The following ZNF704 variants were observed in gnomAD, a reference collection of about 807,000 sequenced individuals.
ZNF704 encodes the protein glucocorticoid induced gene 1.
In ZNF704, 10 loss-of-function variants were observed where a neutral mutation model predicts 44.7. The observed-to-expected ratio is 0.22, with a 90% confidence interval of 0.14 to 0.38. The LOEUF (loss-of-function observed/expected upper bound fraction) is 0.38, where lower values mean the gene tolerates loss of function less well. Ranked by LOEUF, ZNF704 falls within the 10% of genes least tolerant of loss-of-function variation. The pLI, the probability that ZNF704 is intolerant of heterozygous loss-of-function variation, is 1.00. For missense variants in ZNF704, 390 were observed against 545.5 expected, an observed-to-expected ratio of 0.71 and a Z score of 2.84; for synonymous variants, 211 against 207.6, an observed-to-expected ratio of 1.02 and a Z score of -0.14.
At chr8:80,653,679 T>G (rs1254578463) in intron 7 of ZNF704, among the ~76,000 whole-genome samples, 1 of 151,890 alleles carries the variant, frequency 6.6e-6, no homozygotes, top group Non-Finnish European at 1.5e-5. Context: ...CACTGCTCAA[T>G]GAAATAAAAG....
chr8:80,833,079 G>A (rs1472773312), intron 1 of ZNF704, among the ~76,000 whole-genome samples: 2 of 152,210 alleles, frequency 1.3e-5, no homozygotes, highest in Non-Finnish European at 2.9e-5. Context: ...CAGGCGCGGT[G>A]GCTCATGCCT....
chr8:80,869,511 C>T (rs923857099), intron 1 of ZNF704, among the ~76,000 whole-genome samples: 1 of 152,174 alleles, frequency 6.6e-6, no homozygotes, highest in African/African-American at 2.4e-5. Flanking sequence ...CTCATATTCT[C>T]CATCTTCTCT....
intron 2 of ZNF704, among the ~76,000 whole-genome samples, chr8:80,703,664 G>A (rs546596792): frequency 6.6e-6 from 1 of 152,132 alleles, no homozygotes; most frequent in East Asian, 1.9e-4. Context: ...CTGTAGAGAC[G>A]GGGTCTCACT....
At chr8:80,793,236 G>A (rs965956665) in intron 2 of ZNF704, among the ~76,000 whole-genome samples, 4 of 152,168 alleles carry the variant, frequency 2.6e-5, no homozygotes, top group African/African-American at 4.8e-5. Context: ...TGAGCAATAA[G>A]GAGCAATTGA....
intron 2 of ZNF704, among the ~76,000 whole-genome samples, chr8:80,811,894 G>A (rs1304461794): frequency 6.6e-6 from 1 of 152,156 alleles, no homozygotes; most frequent in Non-Finnish European, 1.5e-5. Context: ...TCAGATCAGT[G>A]GTGGCATTAG....
At chr8:80,707,203 T>C (rs1818912390) in intron 2 of ZNF704, among the ~76,000 whole-genome samples, 1 of 152,214 alleles carries the variant, frequency 6.6e-6, no homozygotes, top group Admixed American at 6.5e-5. Context: ...CTAATGCTGT[T>C]TGCATGACCA....
rs1817635933 is a variant in ZNF704 at position 80,634,457 on chromosome 8, C to T, written c.*6909G>A. On this transcript the variant is annotated 3_prime_UTR_variant, in exon 9 of 9. Coordinates refer to ENST00000327835, the MANE Select transcript of ZNF704 (RefSeq NM_001033723.3). ...CCTGACAACTGTGGAATGTGAAATC[C>T]ACTTTTCCCAATAGTTGAAACTGGG... The T allele has an allele frequency of 6.6e-6, 1 of 152,238 alleles. No homozygotes were observed. Among genetic ancestry groups the T allele is most frequent in the Non-Finnish European group, 1.5e-5 (1 of 68,082 alleles). The allele number at this position is 152,238 out of a possible 1,614,324, so 9.4% of individuals were successfully genotyped here. A position where few individuals can be genotyped will look rare whatever the true frequency, so the allele number is the denominator to read the frequency against.
chr8:80,726,729 G>A (rs1400364674), intron 2 of ZNF704, among the ~76,000 whole-genome samples: 1 of 151,854 alleles, frequency 6.6e-6, no homozygotes, highest in Non-Finnish European at 1.5e-5. Context: ...GTAACAACAG[G>A]TAAAAACAAA....
At chr8:80,686,231 A>T (rs1818532373) in intron 4 of ZNF704, among the ~76,000 whole-genome samples, 1 of 152,208 alleles carries the variant, frequency 6.6e-6, no homozygotes, top group Admixed American at 6.5e-5. Flanking sequence ...GGGCCAGTTA[A>T]ATGTACAATC....
intron 1 of ZNF704, among the ~76,000 whole-genome samples, chr8:80,824,889 C>A (rs1808345398): frequency 6.6e-6 from 1 of 152,120 alleles, no homozygotes; most frequent in Admixed American, 6.5e-5. Context: ...GATTTTGTCA[C>A]CACCAGGCCT....
chr8:80,860,359 C>T (rs545931135), intron 1 of ZNF704, among the ~76,000 whole-genome samples: 1 of 152,304 alleles, frequency 6.6e-6, no homozygotes, highest in South Asian at 2.1e-4. Context: ...GTGTGCCTGA[C>T]TGTGAGTCCA....
rs573007799 is a variant in ZNF704 at position 80,762,789 on chromosome 8, C to T, written c.221+58585G>A. 2.0e-5 allele frequency among the ~76,000 whole-genome samples: 3 copies of T among 152,292 alleles called. No individual in the cohort carries two copies. The South Asian group carries it at 6.2e-4, about 32-fold the overall frequency. ...GTCCAAAGTCTCATCTAAGACAAGG[C>T]AAGTCCTTTCCACCTATCAGCCTAT... On this transcript the variant is annotated intron_variant, in intron 2 of 8. Coordinates refer to ENST00000327835, the MANE Select transcript of ZNF704 (RefSeq NM_001033723.3).
At chr8:80,866,584 A>G (rs1233811440) in intron 1 of ZNF704, among the ~76,000 whole-genome samples, 1 of 152,232 alleles carries the variant, frequency 6.6e-6, no homozygotes, top group Non-Finnish European at 1.5e-5. Flanking sequence ...CTAAAAGTCA[A>G]GTTTGCTTGA....
At chr8:80,764,044 C>A (rs1348895352) in intron 2 of ZNF704, among the ~76,000 whole-genome samples, 1 of 152,212 alleles carries the variant, frequency 6.6e-6, no homozygotes, top group African/African-American at 2.4e-5. Context: ...CAACAAATCT[C>A]TAGCAAGTGC....
At chr8:80,713,244 C>G (rs1232592808) in intron 2 of ZNF704, among the ~76,000 whole-genome samples, 1 of 152,192 alleles carries the variant, frequency 6.6e-6, no homozygotes, top group Non-Finnish European at 1.5e-5. Flanking sequence ...GGGAAACTCA[C>G]TTCTAGTAAT....
chr8:80,760,569 T>C (rs1366916276), intron 2 of ZNF704, among the ~76,000 whole-genome samples: 2 of 150,714 alleles, frequency 1.3e-5, no homozygotes, highest in Non-Finnish European at 2.9e-5. Context: ...GGCAGGAGAA[T>C]TGCTTGAACC....
intron 2 of ZNF704, among the ~76,000 whole-genome samples, chr8:80,735,087 AAGATCACCCGATC>A (rs1806644927): frequency 6.6e-6 from 1 of 152,204 alleles, no homozygotes; most frequent in South Asian, 2.1e-4. Flanking sequence ...GCATCATCTG[AAGATCACCCGATC>A]AGATCACCTG....
At chr8:80,732,877 C>T (rs942679692) in intron 2 of ZNF704, among the ~76,000 whole-genome samples, 3 of 149,218 alleles carry the variant, frequency 2.0e-5, no homozygotes, top group Non-Finnish European at 4.4e-5. Flanking sequence ...TTACTTGAGT[C>T]CAGGAGGTCA....
At chr8:80,787,562 A>G (rs1431713272) in intron 2 of ZNF704, among the ~76,000 whole-genome samples, 3 of 152,206 alleles carry the variant, frequency 2.0e-5, no homozygotes, top group Non-Finnish European at 4.4e-5. Flanking sequence ...CAGGAATTTA[A>G]ATGAAAAAAA....
Sources: gnomAD v4.1 joint callset for allele counts (sites outside exome capture counted in the v4.1 genomes callset) on GRCh38, gnomAD v4.1.1 for gene constraint, MANE v1.5 for transcripts, NCBI Gene and HGNC (gene_info 2026-07-23, HGNC 2026-07-21) for gene names.